The following ARID1A variants were observed in gnomAD, a reference collection of about 807,000 sequenced individuals.
ARID1A encodes AT-rich interactive domain-containing protein 1A.
In ARID1A, 20 loss-of-function variants were observed where a neutral mutation model predicts 212.6. The ratio of observed to expected loss-of-function variants is 0.09; its 90% CI spans 0.07 to 0.14. ARID1A has a LOEUF of 0.14. Ranked by LOEUF, ARID1A falls within the 10% of genes least tolerant of loss-of-function variation. The pLI, the probability that ARID1A is intolerant of heterozygous loss-of-function variation, is 1.00. For synonymous variants in ARID1A, 1,376 were observed against 1,222.1 expected (o/e 1.13, Z -2.63); for missense variants, 2,587 against 3,059.0 (o/e 0.85, Z 3.64).
intron 19 of ARID1A, 184 bp downstream of exon 19, chr1:26,775,891 GT>G: frequency 1.2e-6 from 1 of 856,006 alleles, no homozygotes; most frequent in Non-Finnish European, 1.9e-6. Flanking sequence ...ATAATAATTT[GT>G]TTACATGATA....
intron 3 of ARID1A, 122 bp from the exon 4 acceptor site, chr1:26,732,553 CT>C: frequency 1.4e-6 from 1 of 733,360 alleles, no homozygotes; most frequent in Non-Finnish European, 2.3e-6. Context: ...TCACATAATA[CT>C]TTTCGCAACT....
At chr1:26,745,308 T>C (rs1301177334) in intron 4 of ARID1A, among the ~76,000 whole-genome samples, 1 of 152,200 alleles carries the variant, frequency 6.6e-6, no homozygotes, top group Non-Finnish European at 1.5e-5. Context: ...CAGTAGCTGC[T>C]GCCGCCAGAA....
chr1:26,738,793 A>C (rs1202494099), intron 4 of ARID1A, among the ~76,000 whole-genome samples: 2 of 151,152 alleles, frequency 1.3e-5, no homozygotes, highest in Non-Finnish European at 3.0e-5. Flanking sequence ...TCCTGACCTC[A>C]AGTGATCCAC....
At chr1:26,754,842 G>A (rs1404305619) in intron 4 of ARID1A, among the ~76,000 whole-genome samples, 1 of 152,182 alleles carries the variant, frequency 6.6e-6, no homozygotes, top group African/African-American at 2.4e-5. Context: ...AATGTGGCTG[G>A]GTACAGTGGC....
chr1:26,762,741 T>C (rs1471214903), intron 7 of ARID1A, among the ~76,000 whole-genome samples: 2 of 152,218 alleles, frequency 1.3e-5, no homozygotes, highest in Non-Finnish European at 2.9e-5. Context: ...AAGGAAGTTA[T>C]CTTCTTCTGG....
intron 4 of ARID1A, among the ~76,000 whole-genome samples, chr1:26,746,952 G>C (rs1570590012): frequency 6.6e-6 from 1 of 152,138 alleles, no homozygotes; most frequent in South Asian, 2.1e-4. Context: ...GGCAGGGAGA[G>C]AATTGCTTGA....
rs113786963 is a variant in ARID1A, at chr1:26,761,480, G to A, written c.2251+7G>A. The A allele has an allele frequency of 6.2e-7, 1 of 1,614,106 alleles. No individual in the cohort carries two copies. The highest frequency in any genetic ancestry group is 2.2e-5 in the East Asian group (1 of 44,892). The stretch of plus-strand genomic sequence containing the variant: ...AGCATTGCCCAAGATCGAGGTGAGA[G>A]CCTGGGTGTTGGGGAGGGGCAGGGA... On this transcript the variant is annotated splice_region_variant and intron_variant, in intron 6 of 19. Transcript: ENST00000324856.
intron 2 of ARID1A, 138 bp downstream of exon 2, chr1:26,730,001 G>A (rs2080658149): frequency 1.8e-6 from 2 of 1,104,776 alleles, no homozygotes; most frequent in Non-Finnish European, 2.6e-6. Flanking sequence ...ATTACAGAGT[G>A]CTACTAACAA....
At chr1:26,731,122 G>C (rs112246427) in intron 2 of ARID1A, 30 bp from the exon 3 acceptor site, 1 of 1,590,706 alleles carries the variant, frequency 6.3e-7, no homozygotes, top group Non-Finnish European at 8.6e-7. Flanking sequence ...AGGAGAGTCA[G>C]TGCTAAAAGT....
rs183585962 is a variant in ARID1A at position 26,715,517 on chromosome 1, C to T, written c.1138-14134C>T. ...GGAAGTACCTTTTTCTGATTTCAAT[C>T]TATATCACCTCACATGGGGACAAAT... On this transcript the variant is annotated intron_variant, in intron 1 of 19. Transcript: ENST00000324856. Among the ~76,000 whole-genome samples, 118 of 152,316 alleles carry T rather than the reference C, an allele frequency of 7.7e-4. 1 individual carries two copies. Among genetic ancestry groups the T allele is most frequent in the Non-Finnish European group, 1.2e-3 (82 of 68,024 alleles).
chr1:26,709,564 A>G (rs1223788039), intron 1 of ARID1A, among the ~76,000 whole-genome samples: 1 of 146,910 alleles, frequency 6.8e-6, no homozygotes, highest in Admixed American at 6.8e-5. Flanking sequence ...TAAAGCTAGT[A>G]TTGGTCTTTA....
chr1:26,762,107 G>A (rs1262938623), intron 6 of ARID1A, 45 bp from the exon 7 acceptor site: 24 of 1,528,314 alleles, frequency 1.6e-5, no homozygotes, highest in East Asian at 2.3e-5. Flanking sequence ...GCATTTGTTC[G>A]CATTGTATAA....
chr1:26,744,393 C>T (rs1482846748), intron 4 of ARID1A, among the ~76,000 whole-genome samples: 1 of 152,208 alleles, frequency 6.6e-6, no homozygotes, highest in Non-Finnish European at 1.5e-5. Context: ...GGAACAGCCT[C>T]AATCTTTGAA....
intron 1 of ARID1A, among the ~76,000 whole-genome samples, chr1:26,707,406 A>G (rs562234994): frequency 2.4e-4 from 37 of 151,642 alleles, no homozygotes; most frequent in African/African-American, 8.7e-4. Context: ...ATGGGGTTTC[A>G]TCATGCTGGC....
chr1:26,703,073 C>CCACTA (rs1166067819), intron 1 of ARID1A, among the ~76,000 whole-genome samples: 2 of 152,120 alleles, frequency 1.3e-5, no homozygotes, highest in African/African-American at 4.8e-5. Flanking sequence ...GATTATAAGT[C>CCACTA]CACTACCCAA....
chr1:26,720,571 C>G (rs1481874883), intron 1 of ARID1A, among the ~76,000 whole-genome samples: 2 of 151,922 alleles, frequency 1.3e-5, no homozygotes, highest in African/African-American at 4.8e-5. Context: ...ACGAGACTCT[C>G]TTAAGATTAA....
chr1:26,779,945 T>G lies in ARID1A; in HGVS notation c.6047T>G (p.Leu2016Arg), dbSNP rs1359182849. 4.3e-6 allele frequency: 7 copies of G among 1,614,046 alleles called. No homozygotes were observed. Among genetic ancestry groups the G allele is most frequent in the Non-Finnish European group, 8.5e-7 (1 of 1,180,018 alleles). ...GLLLILGKLI[L>R]LHHKHPERKQ... ...CTGCTCATCCTGGGCAAGCTGATCCTGCTGCACCACAAGCACCCAGAACGG... is the reference window on the plus strand; with the variant it reads ...CTGCTCATCCTGGGCAAGCTGATCCGGCTGCACCACAAGCACCCAGAACGG... Residue 2016 changes from leucine to arginine, a missense_variant, in exon 20 of 20, where the codon CTG (leucine) becomes CGG (arginine). Leu to Arg is a moderately radical substitution (Grantham distance 102). Coordinates refer to ENST00000324856, the MANE Select transcript of ARID1A (RefSeq NM_006015.6).
At chr1:26,707,468 A>G (rs534738274) in intron 1 of ARID1A, among the ~76,000 whole-genome samples, 1 of 151,648 alleles carries the variant, frequency 6.6e-6, no homozygotes, top group Non-Finnish European at 1.5e-5. Context: ...CGGCCTCCCA[A>G]AGTGCTGGGA....
intron 1 of ARID1A, among the ~76,000 whole-genome samples, chr1:26,703,791 C>T (rs1470694716): frequency 1.3e-5 from 2 of 152,130 alleles, no homozygotes; most frequent in Non-Finnish European, 2.9e-5. Flanking sequence ...CAGCTAGGTA[C>T]TAGGAAGAGA....
Sources: allele counts gnomAD v4.1 joint callset (sites outside exome capture counted in the v4.1 genomes callset), GRCh38; gene constraint gnomAD v4.1.1; transcripts MANE v1.5; gene names NCBI Gene and HGNC (gene_info 2026-07-23, HGNC 2026-07-21).